Variants in PDILT observed in about 807,000 individuals in gnomAD.
PDILT encodes the protein protein disulfide-isomerase-like protein of the testis.
PDILT carries 43 observed loss-of-function variants against 53.7 expected under a neutral mutation model. That is an observed-to-expected ratio of 0.80 (90% CI 0.63 to 1.03). The LOEUF (loss-of-function observed/expected upper bound fraction) is 1.03. Among genes scored for constraint, PDILT ranks in the 50% least tolerant of loss-of-function variants. The pLI is 0.00. For synonymous variants in PDILT, 282 were observed against 274.2 expected (o/e 1.03, Z -0.28); for missense variants, 727 against 712.3 (o/e 1.02, Z -0.24).
rs78950800 is a variant in PDILT at position 20,388,148 on chromosome 16, A to G, written c.203-3297T>C. On this transcript the variant is annotated intron_variant, in intron 2 of 11. Transcript: ENST00000302451. ...GACATAGGATTATGTAGGATCTTCT[A>G]TGGAAAGATGATGATGATGTCACTA... 3.5e-3 allele frequency among the ~76,000 whole-genome samples: 530 copies of G among 152,278 alleles called. 3 individuals are homozygous for G. The highest frequency in any genetic ancestry group is 0.012 in the African/African-American group (504 of 41,550).
At chr16:20,368,541 G>T (rs1328112721) in intron 8 of PDILT, among the ~76,000 whole-genome samples, 1 of 152,120 alleles carries the variant, frequency 6.6e-6, no homozygotes, top group Non-Finnish European at 1.5e-5. Context: ...CTCAGGTAAG[G>T]GGACCATCAT....
chr16:20,384,217 C>A (rs1468313849), intron 3 of PDILT, among the ~76,000 whole-genome samples: 1 of 152,216 alleles, frequency 6.6e-6, no homozygotes, highest in Non-Finnish European at 1.5e-5. Flanking sequence ...CACCCTCCCA[C>A]TTCTTGGTGT....
Position 20,359,356 on chromosome 16 carries a change from A to C in PDILT, c.1718T>G (p.Val573Gly), listed in dbSNP as rs534981803. 2 of 1,614,128 alleles carry C rather than the reference A, an allele frequency of 1.2e-6. No individual in the cohort carries two copies. The highest frequency in any genetic ancestry group is 4.5e-5 in the East Asian group (2 of 44,880). ...CTTGACTTTTGGTTTCTTCTTTTGC[A>C]CTGGAGGTCCCTTTGGCTTAGCCAC... ...VVVAKPKGPPVQKKKPKVKEE... is the reference protein window; with the variant it reads ...VVVAKPKGPPGQKKKPKVKEE... The change falls in exon 12 of 12, where the codon GTG (valine) becomes GGG (glycine). Residue 573 changes from valine (V) to glycine (G), a missense_variant. Physicochemically the swap from Val to Gly is moderately radical, Grantham distance 109 (BLOSUM62 -3). Coordinates refer to ENST00000302451, the MANE Select transcript of PDILT (RefSeq NM_174924.2).
intron 10 of PDILT, among the ~76,000 whole-genome samples, chr16:20,362,170 C>T (rs1270108057): frequency 6.6e-6 from 1 of 152,200 alleles, no homozygotes; most frequent in Non-Finnish European, 1.5e-5. Context: ...ATCCACTTGG[C>T]CACAGTGGTT....
intron 2 of PDILT, among the ~76,000 whole-genome samples, chr16:20,393,343 T>C (rs569321876): frequency 6.6e-6 from 1 of 152,292 alleles, no homozygotes; most frequent in South Asian, 2.1e-4. Flanking sequence ...CTCGAAGGGC[T>C]TTGAAGTAAA....
At chr16:20,367,043 CT>C (rs1240961289) in intron 8 of PDILT, among the ~76,000 whole-genome samples, 10 of 43,006 alleles carry the variant, frequency 2.3e-4, no homozygotes, top group African/African-American at 7.9e-4. Flanking sequence ...TTCTTTCTTT[CT>C]TTCTTTCTTT....
Position 20,376,121 on chromosome 16 carries a change from G to T in PDILT, c.490C>A (p.Gln164Lys), listed in dbSNP as rs1275316670. The change falls in exon 4 of 12, where the codon CAG becomes AAG. Residue 164 changes from glutamine to lysine, a missense_variant. Transcript: ENST00000302451. ...QKAFLFNSSEQVAEFVISRPL... is the reference protein window; with the variant it reads ...QKAFLFNSSEKVAEFVISRPL... ...CTGGATATCACAAACTCTGCCACCTGCTCGCTGCTGTTGAACAAAAATGCT... is the reference window on the plus strand; with the variant it reads ...CTGGATATCACAAACTCTGCCACCTTCTCGCTGCTGTTGAACAAAAATGCT... 6.2e-7 allele frequency: 1 copy of T among 1,614,056 alleles called. No individual in the cohort carries two copies. The highest frequency in any genetic ancestry group is 8.5e-7 in the Non-Finnish European group (1 of 1,180,034).
At chr16:20,380,104 T>C (rs1966442576) in intron 3 of PDILT, among the ~76,000 whole-genome samples, 1 of 152,214 alleles carries the variant, frequency 6.6e-6, no homozygotes, top group Non-Finnish European at 1.5e-5. Context: ...GAACCATTGC[T>C]CTGATGTCAC....
Position 20,376,114 on chromosome 16 carries a change from G to A in PDILT, c.497C>T (p.Ala166Val), listed in dbSNP as rs759697834. The change falls in exon 4 of 12, where the codon GCA becomes GTA. Residue 166 changes from alanine (A) to valine (V), a missense_variant. Transcript: ENST00000302451. Reference protein sequence around the residue: ...AFLFNSSEQVAEFVISRPLVI... With the variant: ...AFLFNSSEQVVEFVISRPLVI... ...CAAGGGCCTGGATATCACAAACTCT[G>A]CCACCTGCTCGCTGCTGTTGAACAA... 6.2e-7 allele frequency: 1 copy of A among 1,614,128 alleles called. No individual in the cohort carries two copies. The highest frequency in any genetic ancestry group is 1.7e-5 in the Admixed American group (1 of 60,014).
chr16:20,398,168 C>T (rs972792869), intron 2 of PDILT, among the ~76,000 whole-genome samples: 2 of 152,180 alleles, frequency 1.3e-5, no homozygotes, highest in South Asian at 4.2e-4. Context: ...ACCATGAATG[C>T]TCACTATGGG....
intron 2 of PDILT, among the ~76,000 whole-genome samples, chr16:20,398,785 C>A (rs865784310): frequency 6.6e-6 from 1 of 152,168 alleles, no homozygotes; most frequent in Non-Finnish European, 1.5e-5. Flanking sequence ...ACCCATTTTA[C>A]AGAGGAGAAA....
At chr16:20,403,641 G>C (rs1966774818) in intron 1 of PDILT, among the ~76,000 whole-genome samples, 1 of 128,500 alleles carries the variant, frequency 7.8e-6, no homozygotes, top group African/African-American at 3.0e-5. Flanking sequence ...CCTATCAAAA[G>C]GTGCTCACTT....
At chr16:20,377,943 G>A (rs988919391) in intron 3 of PDILT, among the ~76,000 whole-genome samples, 3 of 151,634 alleles carry the variant, frequency 2.0e-5, no homozygotes, top group Non-Finnish European at 2.9e-5. Flanking sequence ...GATAGGGCAA[G>A]ACTCTGTCTT....
intron 8 of PDILT, among the ~76,000 whole-genome samples, chr16:20,368,784 TG>T (rs1195563406): frequency 5.3e-5 from 8 of 152,136 alleles, no homozygotes; most frequent in South Asian, 2.1e-4. Flanking sequence ...TTTGTCAAGA[TG>T]TGATCTTGGT....
At chr16:20,366,210 G>A (rs1966189670) in intron 8 of PDILT, among the ~76,000 whole-genome samples, 1 of 152,166 alleles carries the variant, frequency 6.6e-6, no homozygotes, top group African/African-American at 2.4e-5. Context: ...AATAAAGGAA[G>A]TCTTCTCTTT....
chr16:20,378,195 A>T (rs551373407), intron 3 of PDILT, among the ~76,000 whole-genome samples: 1 of 152,356 alleles, frequency 6.6e-6, no homozygotes, highest in East Asian at 1.9e-4. Context: ...ATAATAAAGT[A>T]TATTTACATG....
chr16:20,393,772 A>C (rs1567331154), intron 2 of PDILT, among the ~76,000 whole-genome samples: 1 of 152,192 alleles, frequency 6.6e-6, no homozygotes, highest in Non-Finnish European at 1.5e-5. Flanking sequence ...GGTTGGCTGG[A>C]TAGGAATATG....
chr16:20,404,403 CACTTAAA>C (rs1966787977), intron 1 of PDILT, 86 bp downstream of exon 1: 9 of 152,198 alleles, frequency 5.9e-5, no homozygotes, highest in Admixed American at 5.2e-4. Context: ...CCAAAACTGA[CACTTAAA>C]ACTTAAACTG....
chr16:20,392,719 T>G (rs556299691), intron 2 of PDILT, among the ~76,000 whole-genome samples: 4 of 152,334 alleles, frequency 2.6e-5, no homozygotes, highest in South Asian at 4.1e-4. Flanking sequence ...TTCACTGCTT[T>G]GAAATACCTG....
Sources: gnomAD v4.1 joint callset for allele counts (sites outside exome capture counted in the v4.1 genomes callset) on GRCh38, gnomAD v4.1.1 for gene constraint, MANE v1.5 for transcripts, NCBI Gene and HGNC (gene_info 2026-07-23, HGNC 2026-07-21) for gene names.